SHANK2: variants seen among roughly 807,000 people sequenced by gnomAD.
SHANK2 encodes the protein SH3 and multiple ankyrin repeat domains protein 2.
SHANK2 carries 43 observed loss-of-function variants against 133.7 expected under a neutral mutation model. The ratio of observed to expected loss-of-function variants is 0.32; its 90% CI spans 0.25 to 0.41. The LOEUF (loss-of-function observed/expected upper bound fraction) is 0.41. Among genes scored for constraint, SHANK2 ranks in the 10% least tolerant of loss-of-function variants. The probability of loss-of-function intolerance (pLI) is 1.00; values close to 1 mark genes in which losing one functional copy is unlikely to be tolerated. For synonymous variants in SHANK2, 1,017 were observed against 952.8 expected (o/e 1.07, Z -1.24); for missense variants, 1,994 against 2,235.8 (o/e 0.89, Z 2.18).
chr11:71,098,016 CTA>C (rs1951651193), intron 6 of SHANK2, among the ~76,000 whole-genome samples: 1 of 125,572 alleles, frequency 8.0e-6, no homozygotes, highest in Non-Finnish European at 1.7e-5. Context: ...GCATGTGTGC[CTA>C]TGTGTGTGCA....
chr11:70,743,614 G>A (rs1946578547), intron 14 of SHANK2, among the ~76,000 whole-genome samples: 1 of 152,148 alleles, frequency 6.6e-6, no homozygotes, highest in South Asian at 2.1e-4. Flanking sequence ...TTTGGGATAA[G>A]CACACAGCTA....
intron 15 of SHANK2, chr11:70,668,728 G>A (rs12275511): frequency 6.6e-6 from 1 of 152,490 alleles, no homozygotes; most frequent in Non-Finnish European, 1.5e-5. Context: ...GTATACATAG[G>A]AGAATGGGTT....
intron 2 of SHANK2, among the ~76,000 whole-genome samples, chr11:71,209,139 G>A (rs141022826): frequency 6.6e-6 from 1 of 152,300 alleles, no homozygotes; most frequent in East Asian, 1.9e-4. Flanking sequence ...CACCACAGAT[G>A]GAAGGAGCTG....
chr11:70,651,503 G>A (rs2061338922), intron 17 of SHANK2, among the ~76,000 whole-genome samples: 1 of 152,218 alleles, frequency 6.6e-6, no homozygotes, highest in Non-Finnish European at 1.5e-5. Flanking sequence ...CTGTCTGGGA[G>A]AAGAAAGACC....
Position 70,486,419 on chromosome 11 carries a change from C to T in SHANK2, c.3874G>A (p.Gly1292Ser). 1 of 1,614,082 alleles carries T rather than the reference C, an allele frequency of 6.2e-7. No homozygotes were observed. The highest frequency in any genetic ancestry group is 8.5e-7 in the Non-Finnish European group (1 of 1,180,028). The part of the protein sequence containing the change: ...YETDLGRDRK[G>S]DDKKNMLIDI... Reference sequence around the variant, plus strand: ...ATCAGCATGTTCTTCTTGTCATCGCCTTTCCGGTCTCGGCCCAGGTCGGTC... The same window carrying T: ...ATCAGCATGTTCTTCTTGTCATCGCTTTTCCGGTCTCGGCCCAGGTCGGTC... The change falls in exon 25 of 26, where the codon GGC becomes AGC. Residue 1292 changes from glycine to serine, a missense_variant. This residue lies in a region of SHANK2 where 797 missense variants were observed against 907.4 expected (regional missense o/e 0.88). Transcript: ENST00000601538. The surrounding 1 kb of genome is among the most constrained non-coding windows in gnomAD (Gnocchi z 8.0).
chr11:70,880,636 C>T (rs567223822), intron 11 of SHANK2, among the ~76,000 whole-genome samples: 1 of 152,364 alleles, frequency 6.6e-6, no homozygotes, highest in East Asian at 1.9e-4. Flanking sequence ...CCTCGCCCAC[C>T]CCTGGGCTTG....
chr11:70,710,909 G>A (rs1302740006), intron 14 of SHANK2, among the ~76,000 whole-genome samples: 1 of 152,294 alleles, frequency 6.6e-6, no homozygotes, highest in East Asian at 1.9e-4. Flanking sequence ...GGAAACGGAG[G>A]GAACTGGGGC....
chr11:70,796,087 G>A (rs527471249), intron 14 of SHANK2, among the ~76,000 whole-genome samples: 4 of 152,174 alleles, frequency 2.6e-5, no homozygotes, highest in Non-Finnish European at 5.9e-5. Context: ...TCTGGAAGCT[G>A]CCTGCACAGG....
intron 11 of SHANK2, among the ~76,000 whole-genome samples, chr11:70,849,082 C>G (rs1949043733): frequency 6.6e-6 from 1 of 152,158 alleles, no homozygotes; most frequent in African/African-American, 2.4e-5. Flanking sequence ...GGACCTCACA[C>G]TCCGGAATGT....
At chr11:71,215,229 C>T (rs879948405) in intron 2 of SHANK2, among the ~76,000 whole-genome samples, 12 of 152,330 alleles carry the variant, frequency 7.9e-5, no homozygotes, top group African/African-American at 1.9e-4. Flanking sequence ...GCAGGGCCCA[C>T]GCTCTCTCTG....
At chr11:70,711,769 A>C (rs1945789975) in intron 14 of SHANK2, among the ~76,000 whole-genome samples, 3 of 152,284 alleles carry the variant, frequency 2.0e-5, no homozygotes. Context: ...AATGCCGCCA[A>C]CTGGCTCGGC....
chr11:70,815,679 C>A (rs551139893), intron 12 of SHANK2, among the ~76,000 whole-genome samples: 68 of 152,248 alleles, frequency 4.5e-4, no homozygotes, highest in Non-Finnish European at 7.8e-4. Flanking sequence ...GCTCTGAGCC[C>A]AGGCCAGGAG....
At chr11:71,193,735 C>T (rs576782103) in intron 2 of SHANK2, among the ~76,000 whole-genome samples, 23 of 152,186 alleles carry the variant, frequency 1.5e-4, no homozygotes, top group Non-Finnish European at 2.9e-4. Context: ...CACGCTGTCC[C>T]ACGCCCCCGG....
At position 70,610,053 on chromosome 11, in the gene SHANK2, G is replaced by T. The variant is rs985247988; in HGVS notation, c.2061+49775C>A. On this transcript the variant is annotated intron_variant, in intron 17 of 25. Transcript: ENST00000601538. ...GGGGATGGCCAGGGACCAGGGAGGG[G>T]TGAGGGGAGCGGCTGCCAGGAGGTT... 2.6e-5 allele frequency among the ~76,000 whole-genome samples: 4 copies of T among 151,750 alleles called. 1 individual carries two copies. Among genetic ancestry groups the T allele is most frequent in the Non-Finnish European group, 5.9e-5 (4 of 67,994 alleles).
intron 14 of SHANK2, among the ~76,000 whole-genome samples, chr11:70,766,384 C>G (rs1947124549): frequency 6.6e-6 from 1 of 152,192 alleles, no homozygotes; most frequent in African/African-American, 2.4e-5. Context: ...TCACATGTGG[C>G]TGATGGGACT....
chr11:70,770,948 A>G (rs1325759692), intron 14 of SHANK2, among the ~76,000 whole-genome samples: 3 of 78,232 alleles, frequency 3.8e-5, no homozygotes, highest in Admixed American at 3.6e-4. Flanking sequence ...TTTTTTTGAC[A>G]GGGTCTCACT....
intron 14 of SHANK2, among the ~76,000 whole-genome samples, chr11:70,715,819 C>G (rs1945904185): frequency 6.6e-6 from 1 of 152,218 alleles, no homozygotes; most frequent in South Asian, 2.1e-4. Context: ...GCGAATGTGA[C>G]CCACATGCCC....
intron 17 of SHANK2, among the ~76,000 whole-genome samples, chr11:70,550,226 C>G (rs928223381): frequency 6.6e-6 from 1 of 152,168 alleles, no homozygotes; most frequent in Non-Finnish European, 1.5e-5. Flanking sequence ...CCCGGTAGCA[C>G]CTCTGGAAGG....
chr11:71,139,798 C>G (rs1251600349), intron 3 of SHANK2, among the ~76,000 whole-genome samples: 10 of 152,226 alleles, frequency 6.6e-5, no homozygotes, highest in African/African-American at 2.4e-4. Flanking sequence ...CAAGTGAGGG[C>G]TCCGGTTGTG....
Sources: gnomAD v4.1 joint callset for allele counts (sites outside exome capture counted in the v4.1 genomes callset) on GRCh38, gnomAD v4.1.1 for gene constraint, gnomAD v4.1.1 regional missense constraint, Gnocchi (gnomAD v3.1) non-coding constraint, MANE v1.5 for transcripts, NCBI Gene and HGNC (gene_info 2026-07-23, HGNC 2026-07-21) for gene names.